Variants in MICAL2 observed in about 807,000 individuals in gnomAD.
MICAL2 encodes microtubule associated monooxygenase, calponin and LIM domain containing 2, also known as [F-actin]-monooxygenase MICAL2.
Under a neutral mutation model 127.3 loss-of-function variants are expected in MICAL2, and 77 were observed. The observed-to-expected ratio is 0.60, with a 90% CI of 0.50 to 0.73. MICAL2 has a LOEUF of 0.73. Among genes scored for constraint, MICAL2 ranks in the 30% least tolerant of loss-of-function variants. MICAL2 has a pLI of 0.00. For missense variants in MICAL2, 1,351 were observed against 1,434.4 expected (o/e 0.94, Z 0.94); for synonymous variants, 570 against 551.1 (o/e 1.03, Z -0.48).
chr11:12,315,874 G>GTCAATTT (rs980740989), intron 29 of MICAL2, among the ~76,000 whole-genome samples: 6 of 152,028 alleles, frequency 3.9e-5, no homozygotes, highest in African/African-American at 1.4e-4. Context: ...TTTCTTTTCA[G>GTCAATTT]TTTGGTCAAT....
At chr11:12,260,477 A>T in intron 26 of MICAL2, 1 of 1,112,430 alleles carries the variant, frequency 9.0e-7, no homozygotes, top group Non-Finnish European at 1.1e-6. Flanking sequence ...TATGAGTGTC[A>T]ATTTTTCTAA....
At position 12,168,145 on chromosome 11, in the gene MICAL2, T is replaced by TACACACACACACACACAC. The variant is rs3044619; in HGVS notation, c.264+5733_264+5750dup. 8.8e-3 allele frequency among the ~76,000 whole-genome samples: 1,284 copies of TACACACACACACACACAC among 146,226 alleles called. 13 individuals carry two copies. Among genetic ancestry groups the TACACACACACACACACAC allele is most frequent in the African/African-American group, 0.031 (1,222 of 39,376 alleles). ...AGTGAGACCTGGTCTCTACAGCAAA[T>TACACACACACACACACAC]ACACACACACACACACACACACACT... On this transcript the variant is annotated intron_variant, in intron 3 of 27. Coordinates refer to ENST00000683283, the MANE Select transcript of MICAL2 (RefSeq NM_001282663.2).
chr11:12,221,693 T>A lies in MICAL2; in HGVS notation c.1256T>A (p.Phe419Tyr). Residue 419 changes from phenylalanine to tyrosine, a missense_variant, in exon 10 of 28, where the codon TTT becomes TAT. Physicochemically the swap from Phe to Tyr is conservative, Grantham distance 22. Coordinates refer to ENST00000683283, the MANE Select transcript of MICAL2 (RefSeq NM_001282663.2). ...TGTGCCCGTGGCTTCCTGGCAGCCT[T>A]TGACACGGCATGGATGGTGAAGAGC... ...TGCARGFLAA[F>Y]DTAWMVKSWN... 2 of 1,613,934 alleles carry A rather than the reference T, an allele frequency of 1.2e-6. No homozygotes were observed. Among genetic ancestry groups the A allele is most frequent in the Non-Finnish European group, 8.5e-7 (1 of 1,179,906 alleles).
At chr11:12,305,148 T>C (rs974510714) in intron 29 of MICAL2, among the ~76,000 whole-genome samples, 2 of 152,144 alleles carry the variant, frequency 1.3e-5, no homozygotes, top group Non-Finnish European at 2.9e-5. Flanking sequence ...TACCCAAGAC[T>C]GGGTAACTTA....
intron 8 of MICAL2, among the ~76,000 whole-genome samples, chr11:12,217,296 C>T (rs1254230932): frequency 1.3e-5 from 2 of 152,214 alleles, no homozygotes; most frequent in African/African-American, 2.4e-5. Context: ...TTCTTTCCTG[C>T]GTGTGCTGGC....
At chr11:12,318,693 C>A (rs1237444519) in intron 29 of MICAL2, among the ~76,000 whole-genome samples, 1 of 152,176 alleles carries the variant, frequency 6.6e-6, no homozygotes, top group Non-Finnish European at 1.5e-5. Flanking sequence ...CCTAGCTGGT[C>A]CTGATATTCA....
At chr11:12,297,277 C>T (rs1427085692) in intron 29 of MICAL2, among the ~76,000 whole-genome samples, 3 of 152,074 alleles carry the variant, frequency 2.0e-5, no homozygotes, top group Non-Finnish European at 4.4e-5. Context: ...TGTTTAATAA[C>T]GTGATTGAAC....
intron 3 of MICAL2, among the ~76,000 whole-genome samples, chr11:12,175,900 A>G (rs1476431577): frequency 6.6e-6 from 1 of 152,022 alleles, no homozygotes; most frequent in Non-Finnish European, 1.5e-5. Context: ...TGGGCCAGAG[A>G]GAGAGTGGGG....
intron 20 of MICAL2, 116 bp downstream of exon 20, chr11:12,242,888 A>G (rs779518206): frequency 3.0e-5 from 20 of 672,530 alleles, no homozygotes; most frequent in Non-Finnish European, 3.8e-5. Flanking sequence ...GAGCATGAAG[A>G]GCTCTTTATT....
chr11:12,289,331 G>T (rs1863864728), downstream of MICAL2, among the ~76,000 whole-genome samples: 3 of 152,344 alleles, frequency 2.0e-5, no homozygotes, highest in South Asian at 4.1e-4. Flanking sequence ...TCAAGGAAAC[G>T]GCCAGCAGAG....
intron 2 of MICAL2, among the ~76,000 whole-genome samples, chr11:12,286,172 C>A (rs1284591169): frequency 1.3e-5 from 2 of 152,204 alleles, no homozygotes; most frequent in Non-Finnish European, 2.9e-5. Flanking sequence ...AGTACAGTGT[C>A]CCGCAAATAT....
chr11:12,325,700 A>G (rs1354774462), intron 31 of MICAL2, among the ~76,000 whole-genome samples: 2 of 152,150 alleles, frequency 1.3e-5, no homozygotes, highest in African/African-American at 4.8e-5. Flanking sequence ...GCTGCATTGG[A>G]TTAGGGCCCC....
chr11:12,330,586 CT>C (rs1565307154), intron 32 of MICAL2, among the ~76,000 whole-genome samples: 1 of 152,092 alleles, frequency 6.6e-6, no homozygotes, highest in Non-Finnish European at 1.5e-5. Flanking sequence ...GCAATGATGG[CT>C]GATGAGCAAA....
rs137902287 is a variant in MICAL2, at chr11:12,221,071, C to G, written c.1207-573C>G. Among the ~76,000 whole-genome samples the G allele has an allele frequency of 1.4e-3, 206 of 152,360 alleles. 2 individuals carry two copies. Among genetic ancestry groups the G allele is most frequent in the African/African-American group, 4.2e-3 (173 of 41,596 alleles). On this transcript the variant is annotated intron_variant, in intron 9 of 27. Coordinates refer to ENST00000683283, the MANE Select transcript of MICAL2 (RefSeq NM_001282663.2). ...ATGGAGCAGATTAGTCAGCACTCAG[C>G]TTGGTTGACTTGGTCCTTGGGCACT...
At chr11:12,129,636 CTTTTTTTT>C (rs559528778) in intron 1 of MICAL2, among the ~76,000 whole-genome samples, 1 of 97,466 alleles carries the variant, frequency 1.0e-5, no homozygotes, top group Non-Finnish European at 1.9e-5. Context: ...TCTTCTTCTT[CTTTTTTTT>C]TTTTTTTTTT....
intron 1 of MICAL2, chr11:12,116,925 G>A (rs1270691213): frequency 2.0e-5 from 3 of 152,384 alleles, no homozygotes; most frequent in Non-Finnish European, 4.4e-5. Context: ...CTGTGCGTAT[G>A]TGGATAGTGC....
intron 5 of MICAL2, 139 bp downstream of exon 5, chr11:12,208,278 A>T: frequency 1.6e-6 from 1 of 608,816 alleles, no homozygotes; most frequent in African/African-American, 2.7e-5. Context: ...AGGGTATTTT[A>T]CTGTTTTTTT....
At chr11:12,203,501 T>C (rs1382084191) in intron 3 of MICAL2, among the ~76,000 whole-genome samples, 2 of 152,236 alleles carry the variant, frequency 1.3e-5, no homozygotes, top group Non-Finnish European at 2.9e-5. Context: ...TGTGTTTCCC[T>C]GAAGGCAAAT....
chr11:12,159,676 C>T (rs1166655760), intron 2 of MICAL2, among the ~76,000 whole-genome samples: 1 of 152,230 alleles, frequency 6.6e-6, no homozygotes, highest in Non-Finnish European at 1.5e-5. Flanking sequence ...TTCGGCCAGC[C>T]ACTGCAGCCT....
Sources: allele counts gnomAD v4.1 joint callset (sites outside exome capture counted in the v4.1 genomes callset), GRCh38; gene constraint gnomAD v4.1.1; transcripts MANE v1.5; gene names NCBI Gene and HGNC (gene_info 2026-07-23, HGNC 2026-07-21).